Variants in BMPR2 observed in about 807,000 individuals in gnomAD.
The protein encoded by BMPR2 is bone morphogenetic protein receptor type-2.
Under a neutral mutation model 100.8 loss-of-function variants are expected in BMPR2, and 29 were observed. The observed-to-expected ratio is 0.29, with a 90% CI of 0.21 to 0.39. BMPR2 has a LOEUF of 0.39. BMPR2 is among the 10% of genes least tolerant of loss of function. The pLI is 1.00. For synonymous variants in BMPR2, 382 were observed against 442.3 expected, an observed-to-expected ratio of 0.86 and a Z score of 1.71; for missense variants, 1,011 against 1,274.5, an observed-to-expected ratio of 0.79 and a Z score of 3.15.
chr2:202,427,548 C>T (rs1015909727), intron 1 of BMPR2, among the ~76,000 whole-genome samples: 2 of 151,244 alleles, frequency 1.3e-5, no homozygotes, highest in Admixed American at 1.3e-4. Flanking sequence ...TCCTCTGAAC[C>T]TTAAAACTTT....
chr2:202,503,367 G>T lies in BMPR2; in HGVS notation c.419-10352G>T, dbSNP rs1189168065. On this transcript the variant is annotated intron_variant, in intron 3 of 12. Coordinates refer to ENST00000374580, the MANE Select transcript of BMPR2 (RefSeq NM_001204.7). This position sits in a 1 kb window ranked among gnomAD's most constrained non-coding sequence, Gnocchi z 4.0. ...AGGCCGGAGCCCACTCCCTCAGCTT[G>T]CAGGGAGGTGTGGAGGGAGAGGCGC... Among the ~76,000 whole-genome samples, 1 of 152,238 alleles carries T rather than the reference G, an allele frequency of 6.6e-6. No homozygotes were observed. The highest frequency in any genetic ancestry group is 1.5e-5 in the Non-Finnish European group (1 of 68,042).
intron 1 of BMPR2, among the ~76,000 whole-genome samples, chr2:202,458,903 A>G (rs1692173774): frequency 6.6e-6 from 1 of 152,138 alleles, no homozygotes; most frequent in Admixed American, 6.6e-5. Flanking sequence ...CAGTTTCTAG[A>G]GTTTTACATT....
At chr2:202,477,028 G>A (rs999720764) in intron 3 of BMPR2, among the ~76,000 whole-genome samples, 17 of 151,470 alleles carry the variant, frequency 1.1e-4, no homozygotes, top group Non-Finnish European at 2.5e-4. Flanking sequence ...ATAGTGTAAT[G>A]ATTAAGAGCA....
intron 1 of BMPR2, among the ~76,000 whole-genome samples, chr2:202,423,012 T>C (rs1278667366): frequency 1.3e-5 from 2 of 152,016 alleles, no homozygotes; most frequent in Admixed American, 1.3e-4. Flanking sequence ...GATAGGGAGC[T>C]AGATATTAGT....
At chr2:202,458,845 A>G (rs1692172840) in intron 1 of BMPR2, among the ~76,000 whole-genome samples, 2 of 152,198 alleles carry the variant, frequency 1.3e-5, no homozygotes, top group Admixed American at 1.3e-4. Context: ...TAGGTTCTAA[A>G]AAGTTTTTAT....
At chr2:202,517,508 C>T (rs995618152) in intron 5 of BMPR2, among the ~76,000 whole-genome samples, 1 of 151,920 alleles carries the variant, frequency 6.6e-6, no homozygotes. Flanking sequence ...CATGCCACCA[C>T]GCCCAGCTAA....
At chr2:202,455,316 G>A (rs953418108) in intron 1 of BMPR2, among the ~76,000 whole-genome samples, 2 of 152,166 alleles carry the variant, frequency 1.3e-5, no homozygotes, top group Non-Finnish European at 2.9e-5. Flanking sequence ...GGGAGGCCAA[G>A]TTAGGAGGAT....
At chr2:202,523,089 C>T (rs1328975323) in intron 7 of BMPR2, among the ~76,000 whole-genome samples, 1 of 152,078 alleles carries the variant, frequency 6.6e-6, no homozygotes, top group Non-Finnish European at 1.5e-5. Flanking sequence ...ATAGACACTT[C>T]CCAAAAGATG....
chr2:202,530,788 A>T lies in BMPR2; in HGVS notation c.968-6A>T. 6.2e-7 allele frequency: 1 copy of T among 1,606,138 alleles called. No individual in the cohort carries two copies. The highest frequency in any genetic ancestry group is 8.5e-7 in the Non-Finnish European group (1 of 1,173,574). On this transcript the variant is annotated splice_polypyrimidine_tract_variant and splice_region_variant and intron_variant, in intron 7 of 12. Transcript: ENST00000374580. ...CATTGATAAATATTTGAAATTATCC[A>T]AACAGATCATTATAAACCTGCAATT...
At chr2:202,409,114 G>A (rs1229370441) in intron 1 of BMPR2, among the ~76,000 whole-genome samples, 1 of 152,224 alleles carries the variant, frequency 6.6e-6, no homozygotes, top group Non-Finnish European at 1.5e-5. Flanking sequence ...AGAGGCCGAG[G>A]TGGGTGAATC....
intron 1 of BMPR2, among the ~76,000 whole-genome samples, chr2:202,418,012 C>A (rs1691173148): frequency 6.6e-6 from 1 of 152,138 alleles, no homozygotes. Context: ...GCCACCGTGC[C>A]TGGCCCGTCA....
chr2:202,401,438 AAAATAGAT>A (rs1448905342), intron 1 of BMPR2, among the ~76,000 whole-genome samples: 1 of 152,228 alleles, frequency 6.6e-6, no homozygotes, highest in Non-Finnish European at 1.5e-5. Flanking sequence ...TATTAAAATA[AAAATAGAT>A]AAAAGTGGTT....
chr2:202,543,909 A>C (rs1688327895), intron 10 of BMPR2, among the ~76,000 whole-genome samples: 1 of 152,162 alleles, frequency 6.6e-6, no homozygotes, highest in Non-Finnish European at 1.5e-5. Context: ...AGAATGTTTC[A>C]AGTTATCATC....
rs368090069 is a variant in BMPR2, at chr2:202,467,516, T to C, written c.248-3T>C. 1.6e-4 allele frequency: 245 copies of C among 1,545,018 alleles called. No homozygotes were observed. The highest frequency in any genetic ancestry group is 2.1e-4 in the Non-Finnish European group (232 of 1,117,312). On this transcript the variant is annotated splice_region_variant and splice_polypyrimidine_tract_variant and intron_variant, in intron 2 of 12. Transcript: ENST00000374580. ...CCTTTTTTGTATTCATATTGATTTA[T>C]AGGATGTTGGTCTCACATTGGAGAT...
chr2:202,447,248 G>T (rs1691866855), intron 1 of BMPR2, among the ~76,000 whole-genome samples: 1 of 150,390 alleles, frequency 6.6e-6, no homozygotes, highest in Admixed American at 6.6e-5. Context: ...GGTGGAGGTT[G>T]CAGTGATCCA....
intron 3 of BMPR2, among the ~76,000 whole-genome samples, chr2:202,508,720 C>T (rs1687571613): frequency 6.6e-6 from 1 of 152,182 alleles, no homozygotes. Flanking sequence ...TTTGTATGTA[C>T]ACTCCACTTC....
At chr2:202,476,038 C>T (rs1435707904) in intron 3 of BMPR2, among the ~76,000 whole-genome samples, 2 of 141,836 alleles carry the variant, frequency 1.4e-5, no homozygotes, top group Admixed American at 7.5e-5. Flanking sequence ...TGCAGCATTG[C>T]ACTCCAGCCT....
intron 1 of BMPR2, among the ~76,000 whole-genome samples, chr2:202,443,642 C>T (rs1020535391): frequency 6.7e-6 from 1 of 150,104 alleles, no homozygotes; most frequent in Non-Finnish European, 1.5e-5. Context: ...CGGCTGACTA[C>T]AACCTCCACC....
Position 202,532,862 on chromosome 2 carries a change from C to T in BMPR2, c.1276+130C>T, listed in dbSNP as rs1317591011. The T allele has an allele frequency of 5.7e-5, 64 of 1,123,782 alleles. No homozygotes were observed. The highest frequency in any genetic ancestry group is 7.9e-5 in the Non-Finnish European group (63 of 796,230). 69.6% of individuals were successfully genotyped at this position (1,123,782 alleles called of 1,614,324 possible). ...TTTCATTTAAACCTTTAGTTCATTG[C>T]TATCTAGTGTTTAGAAACATTATTA... On this transcript the variant is annotated intron_variant, in intron 9 of 12. Transcript: ENST00000374580. The surrounding 1 kb of genome is among the most constrained non-coding windows in gnomAD (Gnocchi z 4.1).
Sources: gnomAD v4.1 joint callset for allele counts (sites outside exome capture counted in the v4.1 genomes callset) on GRCh38, gnomAD v4.1.1 for gene constraint, Gnocchi (gnomAD v3.1) non-coding constraint, MANE v1.5 for transcripts, NCBI Gene and HGNC (gene_info 2026-07-23, HGNC 2026-07-21) for gene names.